The following MTMR4 variants were observed in gnomAD, a reference collection of about 807,000 sequenced individuals.
The protein encoded by MTMR4 is myotubularin related protein 4.
A neutral mutation model predicts 125.5 loss-of-function variants in MTMR4; 30 were observed. The observed-to-expected ratio is 0.24, with a 90% confidence interval of 0.18 to 0.32. MTMR4 has a LOEUF of 0.32. MTMR4 is among the 10% of genes least tolerant of loss of function. The probability of loss-of-function intolerance (pLI) is 1.00; values close to 1 mark genes in which losing one functional copy is unlikely to be tolerated. For synonymous variants in MTMR4, 498 were observed against 564.5 expected (o/e 0.88, Z 1.67); for missense variants, 1,039 against 1,511.5 (o/e 0.69, Z 5.18).
chr17:58,513,101 C>G lies in MTMR4; in HGVS notation c.46-160G>C, dbSNP rs1975976872. On this transcript the variant is annotated intron_variant, in intron 1 of 17. Coordinates refer to ENST00000682306, the MANE Select transcript of MTMR4 (RefSeq NM_001378067.1). ...AAAAGAGATCTGACTTGGTTGGAGACAGGGAAGGGTGAAATGGAGAGCATA... is the reference window on the plus strand; with the variant it reads ...AAAAGAGATCTGACTTGGTTGGAGAGAGGGAAGGGTGAAATGGAGAGCATA... 1.3e-5 allele frequency among the ~76,000 whole-genome samples: 2 copies of G among 152,146 alleles called. 1 individual carries two copies. Among genetic ancestry groups the G allele is most frequent in the South Asian group, 4.2e-4 (2 of 4,812 alleles).
chr17:58,514,216 T>C (rs1237343853), intron 1 of MTMR4, 147 bp downstream of exon 1: 3 of 705,844 alleles, frequency 4.3e-6, no homozygotes, highest in Non-Finnish European at 5.2e-6. Context: ...GTCCAAGAAA[T>C]AAAAGGGTTA....
intron 14 of MTMR4, among the ~76,000 whole-genome samples, chr17:58,499,519 G>A (rs1457641162): frequency 2.0e-5 from 3 of 152,176 alleles, no homozygotes; most frequent in South Asian, 4.1e-4. Flanking sequence ...CTCCAGCTGG[G>A]CAATGGAGCG....
At chr17:58,493,886 G>A (rs1325387549) in intron 15 of MTMR4, among the ~76,000 whole-genome samples, 2 of 152,138 alleles carry the variant, frequency 1.3e-5, no homozygotes, top group African/African-American at 4.8e-5. Context: ...GCTCCTAGAA[G>A]CTCCCCAAGG....
chr17:58,509,994 C>T (rs1975884760), intron 4 of MTMR4, among the ~76,000 whole-genome samples: 2 of 152,166 alleles, frequency 1.3e-5, no homozygotes, highest in African/African-American at 2.4e-5. Flanking sequence ...TGCTTCTCAC[C>T]GCTTTGGCTG....
Position 58,504,219 on chromosome 17 carries a change from A to C in MTMR4, c.1529T>G (p.Val510Gly). 1.2e-6 allele frequency: 2 copies of C among 1,604,688 alleles called. No homozygotes were observed. Among genetic ancestry groups the C allele is most frequent in the African/African-American group, 2.7e-5 (2 of 74,698 alleles). Reference sequence around the variant, plus strand: ...GGAGTATGTGTGTTGCACCAGTTTTACCTAGAAAGCAGAGAGAGCTTGCAC... The same window carrying C: ...GGAGTATGTGTGTTGCACCAGTTTTCCCTAGAAAGCAGAGAGAGCTTGCAC... Reference protein sequence around the residue: ...CLFEFNEAFLVKLVQHTYSCL... With the variant: ...CLFEFNEAFLGKLVQHTYSCL... The change falls in exon 13 of 18, where the codon GTA (valine) becomes GGA (glycine). Residue 510 changes from valine to glycine, a missense_variant and splice_region_variant. This residue lies in a region of MTMR4 where 107 missense variants were observed against 267.4 expected (regional missense o/e 0.40). Coordinates refer to ENST00000682306, the MANE Select transcript of MTMR4 (RefSeq NM_001378067.1). This position sits in a 1 kb window ranked among gnomAD's most constrained non-coding sequence, Gnocchi z 7.1.
chr17:58,514,596 C>A lies in MTMR4; in HGVS notation c.-189G>T, dbSNP rs1976033990. ...CTCTCCCCTCCTCTCCACAATGGAG[C>A]GGGCCCAGCTCCGCCCTCCCGCACG... is the stretch of plus-strand genomic sequence containing the variant. On this transcript the variant is annotated 5_prime_UTR_variant, in exon 1 of 18. Transcript: ENST00000682306. 2 of 985,238 alleles carry A rather than the reference C, an allele frequency of 2.0e-6. No individual in the cohort carries two copies. The highest frequency in any genetic ancestry group is 1.7e-5 in the African/African-American group (1 of 57,312). The allele number at this position is 985,238 out of a possible 1,614,324, so 61.0% of individuals were successfully genotyped here.
At chr17:58,502,680 C>CA in intron 14 of MTMR4, among the ~76,000 whole-genome samples, 1 of 151,974 alleles carries the variant, frequency 6.6e-6, no homozygotes, top group Non-Finnish European at 1.5e-5. Context: ...GCAGAATATG[C>CA]AAAAAAGTAA....
In MTMR4 at chr17:58,512,557, C is replaced by G; in HGVS notation, c.136-51G>C. ...GTCCAGAAGTGAGTGACCACCTTAT[C>G]CTCTTCTACAGCCCCTGATCTGTGG... On this transcript the variant is annotated intron_variant, in intron 2 of 17. Coordinates refer to ENST00000682306, the MANE Select transcript of MTMR4 (RefSeq NM_001378067.1). This position sits in a 1 kb window ranked among gnomAD's most constrained non-coding sequence, Gnocchi z 4.1. 1 of 1,404,606 alleles carries G rather than the reference C, an allele frequency of 7.1e-7. No individual in the cohort carries two copies. The highest frequency in any genetic ancestry group is 1.4e-5 in the African/African-American group (1 of 70,910). The allele number at this position is 1,404,606 out of a possible 1,614,324, so 87.0% of individuals were successfully genotyped here.
At position 58,495,628 on chromosome 17, in the gene MTMR4, T is replaced by C. The variant is rs779746925; in HGVS notation, c.2556A>G (p.Ser852=). 2.7e-5 allele frequency: 43 copies of C among 1,614,180 alleles called. 1 individual carries two copies. In the South Asian group the frequency reaches 4.6e-4, roughly 17 times the overall value. The change falls in exon 15 of 18, where the codon TCA becomes TCG. Residue 852 remains serine, a synonymous_variant. Coordinates refer to ENST00000682306, the MANE Select transcript of MTMR4 (RefSeq NM_001378067.1). ...GGTGGGAGATACTTGCCACAGACCCTGAGGGATCTTGGTTGAGGAAGTCAG... is the reference window on the plus strand; with the variant it reads ...GGTGGGAGATACTTGCCACAGACCCCGAGGGATCTTGGTTGAGGAAGTCAG... ...PSTDFLNQDP[S]GSVASISHQE...
At chr17:58,497,155 C>G (rs1278204398) in intron 14 of MTMR4, among the ~76,000 whole-genome samples, 1 of 152,162 alleles carries the variant, frequency 6.6e-6, no homozygotes. Context: ...TGAAATTCAC[C>G]AGGGAAACAG....
Position 58,495,228 on chromosome 17 carries a change from A to G in MTMR4, c.2956T>C (p.Cys986Arg), listed in dbSNP as rs755923770. Residue 986 changes from cysteine to arginine, a missense_variant, in exon 15 of 18, where the codon TGT (cysteine) becomes CGT (arginine). Cys to Arg is a radical substitution (Grantham distance 180). This residue lies in a region of MTMR4 where 619 missense variants were observed against 714.5 expected (regional missense o/e 0.87). Transcript: ENST00000682306. Reference protein sequence around the residue: ...PVCSSHSNGHCTGPGGKNQMW... With the variant: ...PVCSSHSNGHRTGPGGKNQMW... ...TGGTTCTTTCCTCCTGGGCCAGTAC[A>G]ATGTCCATTGGAATGACTAGAACAG... 1 of 1,614,054 alleles carries G rather than the reference A, an allele frequency of 6.2e-7. No homozygotes were observed. The highest frequency in any genetic ancestry group is 2.2e-5 in the East Asian group (1 of 44,886).
chr17:58,497,878 A>C (rs1398111743), intron 14 of MTMR4, among the ~76,000 whole-genome samples: 1 of 152,212 alleles, frequency 6.6e-6, no homozygotes, highest in African/African-American at 2.4e-5. Flanking sequence ...TTTAAGTGCC[A>C]CAGCTGACTT....
At chr17:58,494,855 A>G (rs1472104385) in intron 15 of MTMR4, 77 bp downstream of exon 15, 3 of 1,392,554 alleles carry the variant, frequency 2.2e-6, no homozygotes, top group African/African-American at 1.4e-5. Flanking sequence ...CAAGTACCCA[A>G]CGAATAAATG....
chr17:58,497,723 G>C (rs887206), intron 14 of MTMR4, among the ~76,000 whole-genome samples: 129,694 of 152,224 alleles, frequency 0.85, 55,617 homozygotes, highest in East Asian at 1. Context: ...AATACAACAT[G>C]AGGTTTCCAC....
At position 58,508,212 on chromosome 17, in the gene MTMR4, T is replaced by G; in HGVS notation, c.656A>C (p.Glu219Ala). Residue 219 changes from glutamate to alanine, a missense_variant, in exon 7 of 18, where the codon GAG becomes GCG. Transcript: ENST00000682306. This position sits in a 1 kb window ranked among gnomAD's most constrained non-coding sequence, Gnocchi z 4.8. Reference sequence around the variant, plus strand: ...CCAGGAGCGGAAGGAAGCCACGTTCTCCAGCTCTTTGTCAGTGATCCACAC... The same window carrying G: ...CCAGGAGCGGAAGGAAGCCACGTTCGCCAGCTCTTTGTCAGTGATCCACAC... ...VPVWITDKEL[E>A]NVASFRSWKR... 6.2e-7 allele frequency: 1 copy of G among 1,613,868 alleles called. No individual in the cohort carries two copies. Among genetic ancestry groups the G allele is most frequent in the Non-Finnish European group, 8.5e-7 (1 of 1,179,982 alleles).
intron 17 of MTMR4, among the ~76,000 whole-genome samples, chr17:58,492,215 A>T (rs1975332538): frequency 6.6e-6 from 1 of 152,166 alleles, no homozygotes; most frequent in African/African-American, 2.4e-5. Context: ...CTCTGTTGCC[A>T]GGATGGAGTG....
At chr17:58,514,649 G>C, upstream of MTMR4, 1 of 985,300 alleles carries the variant, frequency 1.0e-6, no homozygotes, top group Non-Finnish European at 1.2e-6. Context: ...AGCCAGGCGA[G>C]GGGAGAGCCC....
upstream of MTMR4, chr17:58,516,662 C>T (rs922713883): frequency 4.7e-5 from 72 of 1,545,176 alleles, no homozygotes; most frequent in Middle Eastern, 1.7e-4. Context: ...ACCCCATTAA[C>T]ATTACCATAG....
In MTMR4 at chr17:58,496,268, G is replaced by T; in HGVS notation, c.1916C>A (p.Thr639Asn). Residue 639 changes from threonine (T) to asparagine (N), a missense_variant, in exon 15 of 18, where the codon ACT becomes AAT. By Grantham distance (65) the Thr-to-Asn change is moderately conservative. This residue lies in a region of MTMR4 where 619 missense variants were observed against 714.5 expected (regional missense o/e 0.87). Coordinates refer to ENST00000682306, the MANE Select transcript of MTMR4 (RefSeq NM_001378067.1). Reference sequence around the variant, plus strand: ...CAGGTTAGGGTCACTGGATGTACGAGTCAGGGGGCTGCTTGTGTCACAGGC... The same window carrying T: ...CAGGTTAGGGTCACTGGATGTACGATTCAGGGGGCTGCTTGTGTCACAGGC... The part of the protein sequence containing the change: ...LSACDTSSPL[T>N]RTSSDPNLNN... The T allele has an allele frequency of 6.2e-7, 1 of 1,613,906 alleles. No individual in the cohort carries two copies. The highest frequency in any genetic ancestry group is 8.5e-7 in the Non-Finnish European group (1 of 1,179,938).
Sources: gnomAD v4.1 joint callset for allele counts (sites outside exome capture counted in the v4.1 genomes callset) on GRCh38, gnomAD v4.1.1 for gene constraint, gnomAD v4.1.1 regional missense constraint, Gnocchi (gnomAD v3.1) non-coding constraint, MANE v1.5 for transcripts, NCBI Gene and HGNC (gene_info 2026-07-23, HGNC 2026-07-21) for gene names.